Variants in PPP1CB observed in about 807,000 individuals in gnomAD.
The protein encoded by PPP1CB is protein phosphatase 1 catalytic subunit beta.
Under a neutral mutation model 43.7 loss-of-function variants are expected in PPP1CB, and 2 were observed. The observed-to-expected ratio is 0.05, with a 90% confidence interval of 0.02 to 0.14. The LOEUF is 0.14. PPP1CB is among the 10% of genes least tolerant of loss of function. The pLI is 1.00. For missense variants in PPP1CB, 84 were observed against 398.0 expected (o/e 0.21, Z 6.71); for synonymous variants, 136 against 135.6 (o/e 1.00, Z -0.02).
At chr2:28,759,948 G>C (rs994402076) in intron 1 of PPP1CB, among the ~76,000 whole-genome samples, 1 of 151,310 alleles carries the variant, frequency 6.6e-6, no homozygotes, top group Admixed American at 6.6e-5. Flanking sequence ...TAAAAAACTA[G>C]TTAAAACCGA....
At chr2:28,753,513 C>T (rs1001738093) in intron 1 of PPP1CB, among the ~76,000 whole-genome samples, 7 of 152,154 alleles carry the variant, frequency 4.6e-5, no homozygotes, top group Admixed American at 2.0e-4. Flanking sequence ...TTACCTTTTC[C>T]TTTACTATCA....
chr2:28,771,770 A>G (rs891777757), intron 1 of PPP1CB, among the ~76,000 whole-genome samples: 1 of 152,194 alleles, frequency 6.6e-6, no homozygotes, highest in African/African-American at 2.4e-5. Context: ...ACAATAAAAT[A>G]TCTGGAAGGA....
chr2:28,767,878 A>G (rs1475792139), intron 1 of PPP1CB, among the ~76,000 whole-genome samples: 3 of 152,216 alleles, frequency 2.0e-5, no homozygotes, highest in Non-Finnish European at 4.4e-5. Flanking sequence ...AGTTTGCTGA[A>G]TACTGGTGTA....
Position 28,779,101 on chromosome 2 carries a change from T to C in PPP1CB, c.415+62T>C. The C allele has an allele frequency of 4.0e-6, 5 of 1,262,220 alleles. No homozygotes were observed. In the Admixed American group the frequency reaches 6.4e-5, roughly 16 times the overall value. 78.2% of individuals were successfully genotyped at this position (1,262,220 alleles called of 1,614,324 possible). ...GAAACATTGCCTAATAATTTTCTGG[T>C]TCAGAAGAGTTGCTTTGATTCAGAG... is the stretch of plus-strand genomic sequence containing the variant. On this transcript the variant is annotated intron_variant, in intron 3 of 7. Transcript: ENST00000395366.
intron 1 of PPP1CB, among the ~76,000 whole-genome samples, chr2:28,771,045 C>CCG (rs1380679532): frequency 7.6e-5 from 7 of 91,516 alleles, no homozygotes; most frequent in Non-Finnish European, 1.1e-4. Context: ...CCTGCTCCCC[C>CCG]CCCCCCACCC....
intron 6 of PPP1CB, among the ~76,000 whole-genome samples, 195 bp from the exon 7 acceptor site, chr2:28,793,668 T>A (rs1007329460): frequency 6.6e-6 from 1 of 152,156 alleles, no homozygotes; most frequent in African/African-American, 2.4e-5. Context: ...CTAAATTGTT[T>A]CCATTATAGA....
At chr2:28,778,176 T>C (rs1278832083) in intron 2 of PPP1CB, among the ~76,000 whole-genome samples, 1 of 152,254 alleles carries the variant, frequency 6.6e-6, no homozygotes, top group African/African-American at 2.4e-5. Flanking sequence ...TTATTTGTAC[T>C]ACATATTTCT....
intron 1 of PPP1CB, among the ~76,000 whole-genome samples, chr2:28,764,910 C>T (rs1260538027): frequency 8.2e-6 from 1 of 122,196 alleles, no homozygotes. Context: ...GACAGAGAGA[C>T]CCTGTCTCAA....
chr2:28,792,977 G>A (rs1164310114), intron 6 of PPP1CB, among the ~76,000 whole-genome samples: 9 of 152,084 alleles, frequency 5.9e-5, no homozygotes, highest in Admixed American at 4.6e-4. Flanking sequence ...AGGCCGAGGC[G>A]GGCAGATGAC....
chr2:28,778,708 G>A, intron 2 of PPP1CB, 101 bp from the exon 3 acceptor site: 1 of 724,326 alleles, frequency 1.4e-6, no homozygotes, highest in South Asian at 1.8e-5. Flanking sequence ...ATACTCAAGG[G>A]TAGGGGAGGA....
intron 7 of PPP1CB, among the ~76,000 whole-genome samples, chr2:28,794,545 G>T (rs1257432215): frequency 1.3e-5 from 2 of 151,994 alleles, no homozygotes; most frequent in Non-Finnish European, 2.9e-5. Context: ...AAAAAAATTA[G>T]CCGGGCGTGG....
At chr2:28,777,134 A>G (rs1667059586) in intron 2 of PPP1CB, 152 bp downstream of exon 2, 1 of 738,098 alleles carries the variant, frequency 1.4e-6, no homozygotes. Context: ...AAACTTATAA[A>G]AATGACAAGT....
At position 28,793,795 on chromosome 2, in the gene PPP1CB, T is replaced by TA. The variant is rs1667439910; in HGVS notation, c.745-66dup. The TA allele has an allele frequency of 4.0e-5, 63 of 1,570,692 alleles. 1 individual carries two copies. In the South Asian group the frequency reaches 7.2e-4, roughly 18 times the overall value. ...GGCACAGTCTTTGCCACCTTAACCT[T>TA]AATTAGTATAGATGGTTCAGAATTA... On this transcript the variant is annotated intron_variant, in intron 6 of 7. Coordinates refer to ENST00000395366, the MANE Select transcript of PPP1CB (RefSeq NM_002709.3).
chr2:28,788,842 TTTTC>T (rs781647667), intron 6 of PPP1CB, 33 bp downstream of exon 6: 4 of 1,548,892 alleles, frequency 2.6e-6, no homozygotes, highest in Non-Finnish European at 3.5e-6. Context: ...GCTTTTTCTT[TTTTC>T]TTTCTTTTTT....
At chr2:28,751,776 C>T (rs370083447), upstream of PPP1CB, 51 of 375,448 alleles carry the variant, frequency 1.4e-4, no homozygotes, top group African/African-American at 9.0e-4. Flanking sequence ...GCGCAAGGGA[C>T]GTGCGGAGTG....
At position 28,801,469 on chromosome 2, in the gene PPP1CB, A is replaced by C. The variant is rs1409007586; in HGVS notation, c.*2166A>C. The C allele has an allele frequency of 6.6e-6, 1 of 151,942 alleles. No individual in the cohort carries two copies. The highest frequency in any genetic ancestry group is 6.6e-5 in the Admixed American group (1 of 15,252). 9.4% of individuals were successfully genotyped at this position (151,942 alleles called of 1,614,324 possible). On this transcript the variant is annotated 3_prime_UTR_variant, in exon 8 of 8. Coordinates refer to ENST00000395366, the MANE Select transcript of PPP1CB (RefSeq NM_002709.3). ...TTTAAAGACTAAATGTGAAAAAATA[A>C]TCACTACTTAAGCTAATTAATATTG... is the stretch of plus-strand genomic sequence containing the variant.
intron 1 of PPP1CB, among the ~76,000 whole-genome samples, chr2:28,769,612 A>T (rs992375143): frequency 1.3e-5 from 2 of 152,274 alleles, no homozygotes; most frequent in African/African-American, 4.8e-5. Flanking sequence ...CTGCAGAAAG[A>T]AATGAACAAT....
At chr2:28,796,418 A>G (rs1318462746) in intron 7 of PPP1CB, among the ~76,000 whole-genome samples, 2 of 152,216 alleles carry the variant, frequency 1.3e-5, no homozygotes, top group Non-Finnish European at 1.5e-5. Flanking sequence ...TCTTCTATCC[A>G]TGAGCATGGA....
chr2:28,802,233 G>T lies in PPP1CB; in HGVS notation c.*2930G>T, dbSNP rs1372361730. The stretch of plus-strand genomic sequence containing the variant: ...AAGATGTATTATTTTAAGCCAAGGA[G>T]CTGAAATATATCTCAGTTTATAAAT... On this transcript the variant is annotated 3_prime_UTR_variant, in exon 8 of 8. Coordinates refer to ENST00000395366, the MANE Select transcript of PPP1CB (RefSeq NM_002709.3). 1.3e-5 allele frequency: 2 copies of T among 152,156 alleles called. No individual in the cohort carries two copies. 9.4% of individuals were successfully genotyped at this position (152,156 alleles called of 1,614,324 possible).
Sources: gnomAD v4.1 joint callset for allele counts (sites outside exome capture counted in the v4.1 genomes callset) on GRCh38, gnomAD v4.1.1 for gene constraint, MANE v1.5 for transcripts, NCBI Gene and HGNC (gene_info 2026-07-23, HGNC 2026-07-21) for gene names.